The following DDC variants were observed in gnomAD, a reference collection of about 807,000 sequenced individuals.
The protein encoded by DDC is aromatic-L-amino-acid decarboxylase.
A neutral mutation model predicts 60.0 loss-of-function variants in DDC; 43 were observed. That is an observed-to-expected ratio of 0.72 (90% CI 0.56 to 0.92). The LOEUF (loss-of-function observed/expected upper bound fraction) is 0.92. DDC is among the 40% of genes least tolerant of loss of function. The pLI, the probability that DDC is intolerant of heterozygous loss-of-function variation, is 0.00. For missense variants in DDC, 573 were observed against 620.2 expected (o/e 0.92, Z 0.81); for synonymous variants, 232 against 234.6 (o/e 0.99, Z 0.10).
Position 50,504,035 on chromosome 7 carries a change from T to C in DDC, c.739A>G (p.Thr247Ala), listed in dbSNP as rs754766575. ...AAGAGATTGTCAAAGGAGCAGCATG[T>C]TGTGGTCCCCAGGGTGGCAACCATC... ...FFMVATLGTT[T>A]CCSFDNLLEV... The change falls in exon 7 of 15, where the codon ACA (threonine) becomes GCA (alanine). Residue 247 changes from threonine to alanine, a missense_variant. Transcript: ENST00000444124. 2.2e-5 allele frequency: 35 copies of C among 1,613,818 alleles called. No homozygotes were observed. Among genetic ancestry groups the C allele is most frequent in the Non-Finnish European group, 3.0e-5 (35 of 1,179,798 alleles).
chr7:50,535,909 C>T lies in DDC; in HGVS notation c.435+1951G>A, dbSNP rs745828915. Among the ~76,000 whole-genome samples the T allele has an allele frequency of 1.3e-4, 20 of 152,074 alleles. 1 individual carries two copies. Among genetic ancestry groups the T allele is most frequent in the Non-Finnish European group, 2.2e-4 (15 of 68,024 alleles). On this transcript the variant is annotated intron_variant, in intron 4 of 14. Coordinates refer to ENST00000444124, the MANE Select transcript of DDC (RefSeq NM_001082971.2). ...TCATATGTGTCCTTAAAAGTGGAGA[C>T]CCACTTTCCGATCTTATATGTGGTC...
chr7:50,461,611 T>C (rs1180623202), intron 14 of DDC, among the ~76,000 whole-genome samples: 59 of 152,228 alleles, frequency 3.9e-4, no homozygotes, highest in Non-Finnish European at 2.9e-5. Flanking sequence ...ATATGATACA[T>C]GCTTATGAGA....
intron 1 of DDC, among the ~76,000 whole-genome samples, chr7:50,553,484 CTTTTTTTTTT>C (rs5884158): frequency 3.3e-5 from 3 of 90,938 alleles, no homozygotes; most frequent in Non-Finnish European, 4.3e-5. Context: ...TCTTTCTTTT[CTTTTTTTTTT>C]TTTTTTTTTT....
At chr7:50,557,279 G>T (rs2045217178) in intron 1 of DDC, among the ~76,000 whole-genome samples, 1 of 152,178 alleles carries the variant, frequency 6.6e-6, no homozygotes, top group African/African-American at 2.4e-5. Context: ...CCGTGGAAAG[G>T]AGCCATAGAG....
At chr7:50,511,728 C>CAAAAAGAA (rs2043587100) in intron 6 of DDC, among the ~76,000 whole-genome samples, 1 of 149,876 alleles carries the variant, frequency 6.7e-6, no homozygotes, top group African/African-American at 2.5e-5. Flanking sequence ...GACTCCATCT[C>CAAAAAGAA]AAAAAGAAAA....
chr7:50,552,364 C>T (rs2153552928), intron 1 of DDC, among the ~76,000 whole-genome samples: 1 of 152,358 alleles, frequency 6.6e-6, no homozygotes, highest in South Asian at 2.1e-4. Flanking sequence ...GCACACGACA[C>T]TATTCTCCAC....
chr7:50,524,407 A>AT (rs2043983513), intron 6 of DDC, among the ~76,000 whole-genome samples: 1 of 152,216 alleles, frequency 6.6e-6, no homozygotes, highest in African/African-American at 2.4e-5. Flanking sequence ...ATAAGAAGGT[A>AT]TATGTTCTTC....
intron 4 of DDC, among the ~76,000 whole-genome samples, chr7:50,533,657 A>G (rs1216060694): frequency 2.0e-5 from 3 of 152,244 alleles, no homozygotes; most frequent in African/African-American, 7.2e-5. Context: ...AAGATAACAA[A>G]AAAGGGAAAT....
chr7:50,564,672 C>T (rs1402883017), intron 1 of DDC, among the ~76,000 whole-genome samples: 1 of 152,118 alleles, frequency 6.6e-6, no homozygotes, highest in African/African-American at 2.4e-5. Context: ...AATTCCTATC[C>T]GCATATGTTT....
intron 8 of DDC, 63 bp from the exon 9 acceptor site, chr7:50,495,480 A>G: frequency 7.8e-7 from 1 of 1,282,630 alleles, no homozygotes; most frequent in Admixed American, 1.8e-5. Flanking sequence ...ATTATAAAGA[A>G]GACCCCATAC....
At position 50,467,234 on chromosome 7, in the gene DDC, G is replaced by A; in HGVS notation, c.1222C>T (p.Leu408Phe). 6.2e-7 allele frequency: 1 copy of A among 1,614,000 alleles called. No individual in the cohort carries two copies. Residue 408 changes from leucine to phenylalanine, a missense_variant, in exon 13 of 15, where the codon CTT becomes TTT. Transcript: ENST00000444124. Reference sequence around the variant, plus strand: ...CAAACCTTTAGCCGAAAGCAGACAAGCCCCAGAATGACTTCCACACAGATT... The same window carrying A: ...CAAACCTTTAGCCGAAAGCAGACAAACCCCAGAATGACTTCCACACAGATT... ...FEICVEVILG[L>F]VCFRLKGSNK...
intron 14 of DDC, among the ~76,000 whole-genome samples, chr7:50,462,970 A>G (rs2042315727): frequency 6.6e-6 from 1 of 152,096 alleles, no homozygotes; most frequent in Admixed American, 6.5e-5. Flanking sequence ...GGGTTTCACC[A>G]CTTTGGCCAG....
At position 50,467,222 on chromosome 7, in the gene DDC, GA is replaced by G. The variant is rs1344017069; in HGVS notation, c.1233del (p.Arg412GlyfsTer2). The G allele has an allele frequency of 2.5e-6, 4 of 1,613,664 alleles. No individual in the cohort carries two copies. Among genetic ancestry groups the G allele is most frequent in the Non-Finnish European group, 2.5e-6 (3 of 1,179,630 alleles). ...CVEVILGLVC[F>X]RLKGSNKVNE... is the part of the protein sequence containing the mutation. ...AATAGATGTAGACAAACCTTTAGCCGAAAGCAGACAAGCCCCAGAATGACTT... is the reference window on the plus strand; with the variant it reads ...AATAGATGTAGACAAACCTTTAGCCGAAGCAGACAAGCCCCAGAATGACTT... On this transcript the variant is annotated frameshift_variant, in exon 13 of 15. Coordinates refer to ENST00000444124, the MANE Select transcript of DDC (RefSeq NM_001082971.2). LOFTEE classifies it high-confidence loss of function.
chr7:50,492,249 G>A (rs1041807454), intron 9 of DDC, among the ~76,000 whole-genome samples: 1 of 152,186 alleles, frequency 6.6e-6, no homozygotes, highest in African/African-American at 2.4e-5. Context: ...ACTAATGCAG[G>A]CACAGTGCCC....
chr7:50,467,992 A>G (rs1272103959), intron 12 of DDC, among the ~76,000 whole-genome samples: 1 of 152,262 alleles, frequency 6.6e-6, no homozygotes, highest in African/African-American at 2.4e-5. Flanking sequence ...AAATAGTTAT[A>G]GAACTCAGAA....
intron 13 of DDC, among the ~76,000 whole-genome samples, chr7:50,465,240 C>G (rs75349883): frequency 1.9e-4 from 29 of 152,280 alleles, no homozygotes; most frequent in African/African-American, 7.0e-4. Flanking sequence ...AGACAGAAAA[C>G]AGATTAGTAG....
chr7:50,464,513 G>T (rs1562978512), intron 13 of DDC, among the ~76,000 whole-genome samples: 1 of 152,186 alleles, frequency 6.6e-6, no homozygotes, highest in Non-Finnish European at 1.5e-5. Flanking sequence ...CCAAGGGAAT[G>T]GAATTTTACC....
At chr7:50,472,990 T>C (rs2042566678) in intron 11 of DDC, among the ~76,000 whole-genome samples, 1 of 152,098 alleles carries the variant, frequency 6.6e-6, no homozygotes, top group Admixed American at 6.5e-5. Context: ...TCCTTCCCAT[T>C]CCCTGCTGAG....
chr7:50,517,229 A>G (rs1040905898), intron 6 of DDC, among the ~76,000 whole-genome samples: 1 of 152,226 alleles, frequency 6.6e-6, no homozygotes, highest in African/African-American at 2.4e-5. Context: ...ACCATGATCA[A>G]GTGGGTTTCA....
Sources: allele counts gnomAD v4.1 joint callset (sites outside exome capture counted in the v4.1 genomes callset), GRCh38; gene constraint gnomAD v4.1.1; transcripts MANE v1.5; gene names NCBI Gene and HGNC (gene_info 2026-07-23, HGNC 2026-07-21).